Variants in LMO2 observed in about 807,000 individuals in gnomAD.
The protein encoded by LMO2 is LIM domain only 2, also known as rhombotin-2.
In LMO2, 20 loss-of-function variants were observed where a neutral mutation model predicts 23.2. That is an observed-to-expected ratio of 0.86 (90% CI 0.61 to 1.25). The LOEUF (loss-of-function observed/expected upper bound fraction) is 1.25, where lower values mean the gene tolerates loss of function less well. Among genes scored for constraint, LMO2 ranks in the 50% most tolerant of loss-of-function variants. LMO2 has a pLI of 0.00. For synonymous variants in LMO2, 123 were observed against 130.2 expected (o/e 0.94, Z 0.38); for missense variants, 270 against 315.3 (o/e 0.86, Z 1.09).
chr11:33,863,663 G>T (rs1463289792), intron 5 of LMO2, among the ~76,000 whole-genome samples: 1 of 152,206 alleles, frequency 6.6e-6, no homozygotes, highest in African/African-American at 2.4e-5. Flanking sequence ...TCGGAAACTA[G>T]AAACACTAGT....
chr11:33,868,904 C>A lies in LMO2; in HGVS notation c.248+442G>T, dbSNP rs549993198. Among the ~76,000 whole-genome samples the A allele has an allele frequency of 1.8e-3, 278 of 152,328 alleles. 2 individuals carry two copies. The highest frequency in any genetic ancestry group is 6.3e-3 in the African/African-American group (264 of 41,576). On this transcript the variant is annotated intron_variant, in intron 4 of 5. Coordinates refer to ENST00000257818, the MANE Select transcript of LMO2 (RefSeq NM_005574.4). The stretch of plus-strand genomic sequence containing the variant: ...CCGGGAAGGCGGCCGTTGGGGACCC[C>A]GGAGGCCGCCACTTGGAATGTTCCC...
chr11:33,878,778 C>T (rs767841221), intron 2 of LMO2, among the ~76,000 whole-genome samples: 33 of 152,346 alleles, frequency 2.2e-4, no homozygotes, highest in Non-Finnish European at 3.1e-4. Flanking sequence ...CTAGGTGCCT[C>T]ATTAGATTCT....
At chr11:33,865,229 C>T (rs928949746) in intron 4 of LMO2, 1 of 290,882 alleles carries the variant, frequency 3.4e-6, no homozygotes, top group Admixed American at 4.4e-5. Flanking sequence ...ACTGCCTAAC[C>T]TCAAAGGACG....
At chr11:33,865,592 G>C (rs2069985540) in intron 4 of LMO2, among the ~76,000 whole-genome samples, 1 of 152,168 alleles carries the variant, frequency 6.6e-6, no homozygotes, top group Non-Finnish European at 1.5e-5. Context: ...ATTTTTATAA[G>C]AGTAAAATTG....
At chr11:33,860,898 C>A (rs188016643) in intron 5 of LMO2, among the ~76,000 whole-genome samples, 9 of 152,344 alleles carry the variant, frequency 5.9e-5, no homozygotes, top group Admixed American at 4.6e-4. Context: ...TTCCGGGGGA[C>A]TGGTTGCAGG....
intron 1 of LMO2, among the ~76,000 whole-genome samples, chr11:33,891,374 C>T (rs1857543567): frequency 7.5e-6 from 1 of 132,820 alleles, no homozygotes; most frequent in South Asian, 2.5e-4. Context: ...CACACACACA[C>T]ACACACACAC....
At chr11:33,884,429 T>C (rs1431796914) in intron 1 of LMO2, among the ~76,000 whole-genome samples, 2 of 152,106 alleles carry the variant, frequency 1.3e-5, no homozygotes, top group Non-Finnish European at 2.9e-5. Flanking sequence ...GGTGCCCTGA[T>C]GGTTTCTGCC....
intron 1 of LMO2, among the ~76,000 whole-genome samples, 186 bp downstream of exon 1, chr11:33,891,609 T>C: frequency 6.6e-6 from 1 of 152,108 alleles, no homozygotes; most frequent in Non-Finnish European, 1.5e-5. Context: ...ATAGATGCTC[T>C]TCCTCCCTCC....
chr11:33,869,344 A>G lies in LMO2; in HGVS notation c.248+2T>C. On this transcript the variant is annotated splice_donor_variant, in intron 4 of 5. Transcript: ENST00000257818. LOFTEE classifies it high-confidence loss of function. ...TGGCAGGGGCAGGGGGGCCGCACTT[A>G]CTCTGAAGGGTCCAGGCTCTTCCTT... 1.7e-6 allele frequency: 2 copies of G among 1,184,236 alleles called. No individual in the cohort carries two copies. The highest frequency in any genetic ancestry group is 2.1e-6 in the Non-Finnish European group (2 of 948,922). The allele number at this position is 1,184,236 out of a possible 1,614,324, so 73.4% of individuals were successfully genotyped here. A position where few individuals can be genotyped will look rare whatever the true frequency, so the allele number is the denominator to read the frequency against.
chr11:33,861,997 GA>G (rs770990022), intron 5 of LMO2, among the ~76,000 whole-genome samples: 9 of 152,170 alleles, frequency 5.9e-5, no homozygotes, highest in Non-Finnish European at 1.2e-4. Context: ...AATAAGCCGG[GA>G]CTTGACACCT....
intron 5 of LMO2, among the ~76,000 whole-genome samples, chr11:33,860,778 A>T (rs751930481): frequency 1.3e-5 from 2 of 152,148 alleles, no homozygotes; most frequent in Non-Finnish European, 2.9e-5. Flanking sequence ...TCAAAAGAAA[A>T]GCAAAAACTA....
chr11:33,882,625 A>G (rs892498176), intron 1 of LMO2, among the ~76,000 whole-genome samples: 11 of 152,262 alleles, frequency 7.2e-5, no homozygotes, highest in African/African-American at 2.7e-4. Context: ...GATTCAAACA[A>G]AAGATTACGG....
At chr11:33,862,660 G>A (rs1169522129) in intron 5 of LMO2, among the ~76,000 whole-genome samples, 1 of 152,130 alleles carries the variant, frequency 6.6e-6, no homozygotes, top group Non-Finnish European at 1.5e-5. Context: ...CCTCCAACTT[G>A]CCTTGTTAAA....
At chr11:33,881,050 T>C in intron 2 of LMO2, 1 of 383,596 alleles carries the variant, frequency 2.6e-6, no homozygotes, top group Non-Finnish European at 5.1e-6. Context: ...ATATCTGCCC[T>C]CCTGTCTGAG....
At chr11:33,871,320 G>A (rs1167316902) in intron 2 of LMO2, among the ~76,000 whole-genome samples, 1 of 151,300 alleles carries the variant, frequency 6.6e-6, no homozygotes, top group African/African-American at 2.4e-5. Flanking sequence ...GGCTGTGCTC[G>A]GTGGCTCATG....
chr11:33,872,848 C>T (rs981603099), intron 2 of LMO2, among the ~76,000 whole-genome samples: 1 of 152,144 alleles, frequency 6.6e-6, no homozygotes, highest in African/African-American at 2.4e-5. Context: ...GCAACCTCTG[C>T]CTCCTGGGTT....
At chr11:33,888,561 G>T (rs1463320519) in intron 1 of LMO2, among the ~76,000 whole-genome samples, 2 of 151,962 alleles carry the variant, frequency 1.3e-5, no homozygotes, top group Non-Finnish European at 1.5e-5. Flanking sequence ...CTTCTTCCGG[G>T]AACATTCTTC....
chr11:33,869,276 G>A (rs1233825117), intron 4 of LMO2, 70 bp downstream of exon 4: 3 of 1,100,674 alleles, frequency 2.7e-6, no homozygotes, highest in Non-Finnish European at 3.4e-6. Context: ...GGCCGCCCGG[G>A]TCCCCCCGAC....
chr11:33,879,611 C>T lies in LMO2; in HGVS notation c.-272+2213G>A, dbSNP rs1341120117. Reference sequence around the variant, plus strand: ...TCGTGCCACTGCCTGGGCGACAGAGCCAAGATCACGCTTCCAACCTGGGCG... The same window carrying T: ...TCGTGCCACTGCCTGGGCGACAGAGTCAAGATCACGCTTCCAACCTGGGCG... On this transcript the variant is annotated intron_variant, in intron 2 of 5. Transcript: ENST00000257818. Among the ~76,000 whole-genome samples, 3 of 152,152 alleles carry T rather than the reference C, an allele frequency of 2.0e-5. No individual in the cohort carries two copies. In the East Asian group the frequency reaches 5.8e-4, roughly 29 times the overall value.
Sources: allele counts gnomAD v4.1 joint callset (sites outside exome capture counted in the v4.1 genomes callset), GRCh38; gene constraint gnomAD v4.1.1; transcripts MANE v1.5; gene names NCBI Gene and HGNC (gene_info 2026-07-23, HGNC 2026-07-21).